Variants in ARL3 observed in about 807,000 individuals in gnomAD.
ARL3 encodes ADP-ribosylation factor-like protein 3.
In ARL3, 9 loss-of-function variants were observed where a neutral mutation model predicts 26.0. The ratio of observed to expected loss-of-function variants is 0.35; its 90% CI spans 0.21 to 0.60. The LOEUF (loss-of-function observed/expected upper bound fraction) is 0.60, where lower values mean the gene tolerates loss of function less well. ARL3 is among the 20% of genes least tolerant of loss of function. The pLI, the probability that ARL3 is intolerant of heterozygous loss-of-function variation, is 0.78. For missense variants in ARL3, 158 were observed against 215.7 expected, an observed-to-expected ratio of 0.73 and a Z score of 1.67; for synonymous variants, 71 against 78.4, an observed-to-expected ratio of 0.91 and a Z score of 0.50.
chr10:102,697,016 A>AT (rs2064252083), intron 3 of ARL3, among the ~76,000 whole-genome samples: 1 of 152,208 alleles, frequency 6.6e-6, no homozygotes, highest in Non-Finnish European at 1.5e-5. Flanking sequence ...GCTGTATGGC[A>AT]TAGCCTATTG....
intron 3 of ARL3, among the ~76,000 whole-genome samples, chr10:102,692,861 C>T (rs1685579375): frequency 1.3e-5 from 2 of 152,154 alleles, no homozygotes; most frequent in African/African-American, 2.4e-5. Context: ...AGGCGCCCGC[C>T]GGCACGCCCA....
Position 102,705,629 on chromosome 10 carries a change from T to C in ARL3, c.4-140A>G, listed in dbSNP as rs534328509. 7 of 881,314 alleles carry C rather than the reference T, an allele frequency of 7.9e-6. No individual in the cohort carries two copies. The East Asian group carries it at 1.5e-4, about 19-fold the overall frequency. 54.6% of individuals were successfully genotyped at this position (881,314 alleles called of 1,614,324 possible). The stretch of plus-strand genomic sequence containing the variant: ...TTATTTTTCATTCTAATGCCACTTA[T>C]TCCATTTGCTTCCTCTTTCCAAGTT... On this transcript the variant is annotated intron_variant, in intron 1 of 5. Transcript: ENST00000260746.
intron 3 of ARL3, among the ~76,000 whole-genome samples, chr10:102,693,565 A>G (rs189309659): frequency 1.3e-5 from 2 of 152,264 alleles, no homozygotes; most frequent in Non-Finnish European, 1.5e-5. Flanking sequence ...AGTTATTTGT[A>G]TATTTTAGAT....
At chr10:102,682,070 TG>T (rs2064158273) in intron 5 of ARL3, among the ~76,000 whole-genome samples, 1 of 152,134 alleles carries the variant, frequency 6.6e-6, no homozygotes, top group Non-Finnish European at 1.5e-5. Context: ...GGAGGGGCCC[TG>T]GCAACCTGGG....
At chr10:102,693,566 T>C (rs145372013) in intron 3 of ARL3, among the ~76,000 whole-genome samples, 17 of 152,364 alleles carry the variant, frequency 1.1e-4, no homozygotes, top group African/African-American at 3.4e-4. Context: ...GTTATTTGTA[T>C]ATTTTAGATA....
At chr10:102,700,224 T>TA (rs2064272157) in intron 2 of ARL3, among the ~76,000 whole-genome samples, 2 of 151,862 alleles carry the variant, frequency 1.3e-5, no homozygotes, top group South Asian at 4.1e-4. Context: ...GCCTGGTCAA[T>TA]ATGGTGAAAC....
At chr10:102,680,153 C>T (rs2064148892) in intron 5 of ARL3, among the ~76,000 whole-genome samples, 1 of 152,178 alleles carries the variant, frequency 6.6e-6, no homozygotes, top group African/African-American at 2.4e-5. Flanking sequence ...ACCATGTTAG[C>T]CAGGATGGTC....
chr10:102,712,514 G>C (rs895681177), intron 1 of ARL3, among the ~76,000 whole-genome samples: 2 of 152,168 alleles, frequency 1.3e-5, no homozygotes, highest in African/African-American at 4.8e-5. Flanking sequence ...TTTCATCATT[G>C]AACACAACAG....
intron 1 of ARL3, among the ~76,000 whole-genome samples, chr10:102,708,908 A>ATATATATATAGATATTTTTTTTTTT: frequency 1.0e-5 from 1 of 95,350 alleles, no homozygotes; most frequent in African/African-American, 4.2e-5. Context: ...ATATATATAT[A>ATATATATATAGATATTTTTTTTTTT]TTTTTTTTTT....
At chr10:102,712,872 T>G (rs2064352411) in intron 1 of ARL3, among the ~76,000 whole-genome samples, 1 of 152,142 alleles carries the variant, frequency 6.6e-6, no homozygotes, top group South Asian at 2.1e-4. Flanking sequence ...AAGAAACAGT[T>G]GTAAAAATCT....
intron 3 of ARL3, among the ~76,000 whole-genome samples, chr10:102,697,008 T>A (rs1316655358): frequency 1.3e-5 from 2 of 152,166 alleles, no homozygotes; most frequent in Non-Finnish European, 2.9e-5. Context: ...ACACCTAGGC[T>A]GTATGGCATA....
chr10:102,712,536 A>T (rs1044333222), intron 1 of ARL3, among the ~76,000 whole-genome samples: 1 of 152,270 alleles, frequency 6.6e-6, no homozygotes, highest in Non-Finnish European at 1.5e-5. Flanking sequence ...TGTATACAAC[A>T]GTGTTGTATA....
chr10:102,679,203 C>T (rs914026266), intron 5 of ARL3, among the ~76,000 whole-genome samples: 2 of 152,168 alleles, frequency 1.3e-5, no homozygotes, highest in African/African-American at 2.4e-5. Context: ...TCCTCAATCA[C>T]GTGGCCATGG....
chr10:102,680,045 G>A (rs563198834), intron 5 of ARL3, among the ~76,000 whole-genome samples: 2 of 152,210 alleles, frequency 1.3e-5, no homozygotes, highest in Admixed American at 6.5e-5. Flanking sequence ...TCCGCCTCAT[G>A]CCATTCTCCT....
chr10:102,702,020 C>CAA (rs34993485), intron 2 of ARL3, among the ~76,000 whole-genome samples: 1 of 117,670 alleles, frequency 8.5e-6, no homozygotes, highest in African/African-American at 3.3e-5. Flanking sequence ...CCATCTCTAC[C>CAA]AAAAAAAAAA....
chr10:102,681,162 C>T (rs534662743), intron 5 of ARL3, among the ~76,000 whole-genome samples: 3 of 151,242 alleles, frequency 2.0e-5, no homozygotes, highest in Admixed American at 6.6e-5. Context: ...CTGAGGCAGG[C>T]GGATCACCTG....
chr10:102,684,678 G>A (rs559235769), intron 5 of ARL3, among the ~76,000 whole-genome samples: 21 of 150,912 alleles, frequency 1.4e-4, no homozygotes, highest in South Asian at 4.2e-4. Context: ...TTGCTCTGTC[G>A]CCCAGGCTGG....
chr10:102,685,106 G>A (rs1438562492), intron 5 of ARL3, among the ~76,000 whole-genome samples: 1 of 151,682 alleles, frequency 6.6e-6, no homozygotes, highest in Admixed American at 6.6e-5. Flanking sequence ...AAAATTAGCT[G>A]GGTGTGGTGG....
intron 5 of ARL3, among the ~76,000 whole-genome samples, chr10:102,681,535 C>T (rs1324992344): frequency 2.0e-5 from 3 of 152,106 alleles, no homozygotes; most frequent in East Asian, 1.9e-4. Flanking sequence ...CACAGCTCGG[C>T]GCTCGGACTG....
Sources: gnomAD v4.1 joint callset for allele counts (sites outside exome capture counted in the v4.1 genomes callset) on GRCh38, gnomAD v4.1.1 for gene constraint, MANE v1.5 for transcripts, NCBI Gene and HGNC (gene_info 2026-07-23, HGNC 2026-07-21) for gene names.